CHID1: variants seen among roughly 807,000 people sequenced by gnomAD.
The protein encoded by CHID1 is chitinase domain containing 1.
A neutral mutation model predicts 55.4 loss-of-function variants in CHID1; 44 were observed. That is an observed-to-expected ratio of 0.79 (90% CI 0.62 to 1.02). The LOEUF is 1.02. Ranked by LOEUF, CHID1 falls within the 50% of genes least tolerant of loss-of-function variation. The pLI is 0.00. For synonymous variants in CHID1, 216 were observed against 212.9 expected, an observed-to-expected ratio of 1.01 and a Z score of -0.13; for missense variants, 491 against 515.3, an observed-to-expected ratio of 0.95 and a Z score of 0.46.
chr11:878,028 C>T (rs1849636681), intron 10 of CHID1, among the ~76,000 whole-genome samples: 1 of 152,214 alleles, frequency 6.6e-6, no homozygotes, highest in African/African-American at 2.4e-5. Flanking sequence ...CCACGGACAC[C>T]CTGCACCACC....
Position 883,131 on chromosome 11 carries a change from G to C in CHID1, c.959+17C>G, listed in dbSNP as rs116529033. ...CCAGTGACACCTTCAGCACGGCAGG[G>C]AGAGCCCTTGGCTCACCTGGCCCCG... On this transcript the variant is annotated intron_variant, in intron 10 of 12. Coordinates refer to ENST00000323578, the MANE Select transcript of CHID1 (RefSeq NM_023947.4). 38 of 1,603,602 alleles carry C rather than the reference G, an allele frequency of 2.4e-5. No individual in the cohort carries two copies. The highest frequency in any genetic ancestry group is 3.2e-5 in the Non-Finnish European group (38 of 1,171,722).
At chr11:891,093 T>C (rs1437958655) in intron 8 of CHID1, among the ~76,000 whole-genome samples, 3 of 147,300 alleles carry the variant, frequency 2.0e-5, no homozygotes, top group Admixed American at 1.4e-4. Context: ...CAGAGTGGGA[T>C]GGGGGAAGGA....
At chr11:874,390 G>A (rs1260342162) in intron 10 of CHID1, among the ~76,000 whole-genome samples, 1 of 152,202 alleles carries the variant, frequency 6.6e-6, no homozygotes, top group Admixed American at 6.5e-5. Flanking sequence ...TTGAACCTGG[G>A]AGGTGGAGGC....
chr11:897,459 C>T (rs1481322627), intron 7 of CHID1, among the ~76,000 whole-genome samples: 2 of 152,170 alleles, frequency 1.3e-5, no homozygotes, highest in African/African-American at 4.8e-5. Flanking sequence ...GCTGAGACAC[C>T]CCTCTCCTCA....
intron 3 of CHID1, 81 bp from the exon 4 acceptor site, chr11:902,411 T>TG: frequency 1.3e-6 from 2 of 1,527,696 alleles, no homozygotes; most frequent in Non-Finnish European, 1.8e-6. Context: ...CTGGCGCCTC[T>TG]GGACGTGCCC....
intron 10 of CHID1, among the ~76,000 whole-genome samples, chr11:872,644 C>G (rs1013400032): frequency 1.3e-5 from 2 of 152,250 alleles, no homozygotes; most frequent in Non-Finnish European, 2.9e-5. Context: ...AGCATAGCCA[C>G]AACCCCATCA....
At chr11:901,167 A>G (rs187962329) in intron 4 of CHID1, among the ~76,000 whole-genome samples, 187 bp from the exon 5 acceptor site, 28 of 151,236 alleles carry the variant, frequency 1.9e-4, no homozygotes, top group East Asian at 9.8e-4. Flanking sequence ...CCTGACCCCA[A>G]CTCTCCACCC....
At chr11:912,837 C>CAAAAA (rs59345654), upstream of CHID1, among the ~76,000 whole-genome samples, 1 of 135,924 alleles carries the variant, frequency 7.4e-6, no homozygotes, top group Non-Finnish European at 1.6e-5. Flanking sequence ...GACTCTGCCT[C>CAAAAA]AAAAAAAAAA....
rs1229715354 is a variant in CHID1, at chr11:870,421, C to T, written c.1038G>A (p.Lys346=). ...SQASEHFFEY[K]KSRSGRHVVF... The stretch of plus-strand genomic sequence containing the variant: ...GCCACGCACTTCAAAACACTCACTT[C>T]TTGTACTCGAAGAAGTGCTCTGAGG... The change falls in exon 11 of 13, where the codon AAG becomes AAA. Residue 346 remains lysine (K), a splice_region_variant and synonymous_variant. Coordinates refer to ENST00000323578, the MANE Select transcript of CHID1 (RefSeq NM_023947.4). The T allele has an allele frequency of 4.3e-6, 7 of 1,609,962 alleles. No individual in the cohort carries two copies. The highest frequency in any genetic ancestry group is 1.7e-5 in the Admixed American group (1 of 59,776).
chr11:894,334 C>A (rs1422872561), intron 7 of CHID1, among the ~76,000 whole-genome samples: 1 of 152,080 alleles, frequency 6.6e-6, no homozygotes, highest in Non-Finnish European at 1.5e-5. Flanking sequence ...GTGGAGGGGG[C>A]AGGAGCATCT....
intron 7 of CHID1, among the ~76,000 whole-genome samples, chr11:894,955 G>C (rs902730906): frequency 6.6e-6 from 1 of 152,188 alleles, no homozygotes; most frequent in East Asian, 1.9e-4. Flanking sequence ...TAGTTCTGCC[G>C]GCTGCAATGC....
intron 7 of CHID1, among the ~76,000 whole-genome samples, chr11:893,884 C>T (rs1435396234): frequency 6.6e-6 from 1 of 151,764 alleles, no homozygotes; most frequent in Admixed American, 6.6e-5. Context: ...GTAATCCCAG[C>T]ACCTTGGGAG....
intron 2 of CHID1, 35 bp downstream of exon 2, chr11:904,671 A>G (rs375373339): frequency 8.7e-6 from 14 of 1,612,704 alleles, no homozygotes; most frequent in African/African-American, 1.3e-5. Context: ...GCCCTCAGCC[A>G]GTACAGTCAC....
chr11:874,040 G>T (rs574552805), intron 10 of CHID1, among the ~76,000 whole-genome samples: 18 of 152,200 alleles, frequency 1.2e-4, no homozygotes, highest in African/African-American at 3.6e-4. Flanking sequence ...TGTGTGTGTG[G>T]GGGGCGTCAC....
At chr11:894,317 C>T (rs1851095992) in intron 7 of CHID1, among the ~76,000 whole-genome samples, 1 of 152,050 alleles carries the variant, frequency 6.6e-6, no homozygotes, top group South Asian at 2.1e-4. Context: ...TCCTCTGGCC[C>T]CTGGAGGTGG....
intron 7 of CHID1, among the ~76,000 whole-genome samples, chr11:898,907 C>T (rs988881168): frequency 1.3e-5 from 2 of 152,206 alleles, no homozygotes; most frequent in African/African-American, 2.4e-5. Flanking sequence ...TGGCGGTCCA[C>T]ACCACGGGTC....
intron 8 of CHID1, among the ~76,000 whole-genome samples, chr11:888,486 C>T (rs559501987): frequency 4.1e-4 from 62 of 152,260 alleles, no homozygotes; most frequent in Non-Finnish European, 8.4e-4. Flanking sequence ...TGTCTCCGTG[C>T]CCCGTGGCAC....
chr11:886,973 G>A (rs1430807367), intron 8 of CHID1, among the ~76,000 whole-genome samples: 2 of 152,188 alleles, frequency 1.3e-5, no homozygotes, highest in African/African-American at 4.8e-5. Flanking sequence ...GTGGCCTCTC[G>A]TGGTTCAGAG....
chr11:879,216 TCTTGA>T (rs1849720848), intron 10 of CHID1, among the ~76,000 whole-genome samples: 1 of 152,126 alleles, frequency 6.6e-6, no homozygotes, highest in Admixed American at 6.5e-5. Context: ...GGTCTTGAAC[TCTTGA>T]CTTTGTGATC....
Sources: allele counts gnomAD v4.1 joint callset (sites outside exome capture counted in the v4.1 genomes callset), GRCh38; gene constraint gnomAD v4.1.1; transcripts MANE v1.5; gene names NCBI Gene and HGNC (gene_info 2026-07-23, HGNC 2026-07-21).